BAZ2B: variants seen among roughly 807,000 people sequenced by gnomAD.
The protein encoded by BAZ2B is bromodomain adjacent to zinc finger domain protein 2B.
A neutral mutation model predicts 246.0 loss-of-function variants in BAZ2B; 91 were observed. The observed-to-expected ratio is 0.37, with a 90% CI of 0.31 to 0.44. The LOEUF is 0.44. BAZ2B is among the 20% of genes least tolerant of loss of function. The probability of loss-of-function intolerance (pLI) is 1.00; values close to 1 mark genes in which losing one functional copy is unlikely to be tolerated. For synonymous variants in BAZ2B, 855 were observed against 860.0 expected, an observed-to-expected ratio of 0.99 and a Z score of 0.10; for missense variants, 2,332 against 2,533.7, an observed-to-expected ratio of 0.92 and a Z score of 1.71.
chr2:159,686,056 G>C, the BAZ2B span, among the ~76,000 whole-genome samples: 13 of 152,302 alleles, frequency 8.5e-5, no homozygotes, highest in South Asian at 2.3e-3. Flanking sequence ...AAGGCCAGGA[G>C]TTCAAGACCA....
the BAZ2B span, among the ~76,000 whole-genome samples, chr2:159,690,719 G>A: frequency 6.6e-6 from 1 of 152,042 alleles, no homozygotes; most frequent in Non-Finnish European, 1.5e-5. Flanking sequence ...CTGGTGTAGT[G>A]CAAAAGATGA....
chr2:159,513,922 C>G (rs1341716081), intron 2 of BAZ2B, among the ~76,000 whole-genome samples: 1 of 152,128 alleles, frequency 6.6e-6, no homozygotes. Flanking sequence ...TCTCCATACC[C>G]GTACTCACAA....
chr2:159,601,894 A>T (rs1230142330), intron 1 of BAZ2B, among the ~76,000 whole-genome samples: 1 of 152,242 alleles, frequency 6.6e-6, no homozygotes, highest in Non-Finnish European at 1.5e-5. Flanking sequence ...TAGTCAGCTT[A>T]ATTTCATTCT....
intron 2 of BAZ2B, among the ~76,000 whole-genome samples, chr2:159,498,235 G>A (rs369539091): frequency 3.3e-5 from 5 of 151,976 alleles, no homozygotes; most frequent in African/African-American, 9.7e-5. Context: ...ATACAAAGAA[G>A]AAAATATTTT....
In BAZ2B at chr2:159,386,406, C is replaced by A. The variant is rs199640978; in HGVS notation, c.3418G>T (p.Val1140Leu). ...CATACAGCAGCTGAGAGGAGCCTCACAAGCAAGTCTTGTACTTCACCCATG... is the reference window on the plus strand; with the variant it reads ...CATACAGCAGCTGAGAGGAGCCTCAAAAGCAAGTCTTGTACTTCACCCATG... Reference protein sequence around the residue: ...DSMGEVQDLLVRLLSAAVCDP... With the variant: ...DSMGEVQDLLLRLLSAAVCDP... The change falls in exon 22 of 37, where the codon GTG (valine) becomes TTG (leucine). Residue 1140 changes from valine to leucine, a missense_variant. By Grantham distance (32) the Val-to-Leu change is conservative (BLOSUM62 1). Transcript: ENST00000392783. 9.2e-5 allele frequency: 148 copies of A among 1,613,394 alleles called. No individual in the cohort carries two copies. In the African/African-American group the frequency reaches 1.7e-3, roughly 18 times the overall value.
At chr2:159,508,451 A>G (rs1346159581) in intron 2 of BAZ2B, among the ~76,000 whole-genome samples, 1 of 152,202 alleles carries the variant, frequency 6.6e-6, no homozygotes, top group African/African-American at 2.4e-5. Context: ...TCTATAGATT[A>G]TTGAAATTTT....
intron 27 of BAZ2B, among the ~76,000 whole-genome samples, chr2:159,360,323 G>A (rs2059546275): frequency 6.6e-6 from 1 of 152,080 alleles, no homozygotes; most frequent in African/African-American, 2.4e-5. Flanking sequence ...GACAAACAGA[G>A]AGCCAAATCA....
the BAZ2B span, among the ~76,000 whole-genome samples, chr2:159,706,096 CACAA>C: frequency 6.6e-6 from 1 of 151,708 alleles, no homozygotes; most frequent in African/African-American, 2.4e-5. Context: ...CACACACACA[CACAA>C]ACACACACAC....
At chr2:159,438,207 G>A (rs1288232512) in intron 8 of BAZ2B, 96 bp downstream of exon 8, 1 of 1,122,712 alleles carries the variant, frequency 8.9e-7, no homozygotes, top group Non-Finnish European at 1.3e-6. Flanking sequence ...TAAAAATGAA[G>A]GTAGAATTTA....
chr2:159,701,059 A>C, the BAZ2B span, among the ~76,000 whole-genome samples: 49 of 152,236 alleles, frequency 3.2e-4, no homozygotes, highest in Non-Finnish European at 6.3e-4. Flanking sequence ...AAAGAAAAAT[A>C]TTACAAAACT....
intron 1 of BAZ2B, among the ~76,000 whole-genome samples, chr2:159,588,214 C>CAAAAAAAAAA (rs556237766): frequency 9.2e-6 from 1 of 109,230 alleles, no homozygotes; most frequent in Non-Finnish European, 1.9e-5. Context: ...GACCCTGCAT[C>CAAAAAAAAAA]AAAAAAAAAA....
At chr2:159,436,294 C>T (rs760303046) in intron 8 of BAZ2B, among the ~76,000 whole-genome samples, 1 of 152,118 alleles carries the variant, frequency 6.6e-6, no homozygotes, top group Non-Finnish European at 1.5e-5. Context: ...CATATATTGA[C>T]ACCAATAAGT....
intron 2 of BAZ2B, among the ~76,000 whole-genome samples, chr2:159,480,709 G>GTA (rs905853009): frequency 6.6e-6 from 1 of 152,078 alleles, no homozygotes; most frequent in Non-Finnish European, 1.5e-5. Flanking sequence ...AGAGCTAGTA[G>GTA]TATAGGCTGG....
chr2:159,449,402 A>G (rs1322382244), intron 4 of BAZ2B, among the ~76,000 whole-genome samples: 2 of 151,276 alleles, frequency 1.3e-5, no homozygotes, highest in African/African-American at 4.9e-5. Flanking sequence ...ACATTAGAGG[A>G]AAAAAACCCA....
At chr2:159,645,165 G>A in the BAZ2B span, among the ~76,000 whole-genome samples, 1 of 152,096 alleles carries the variant, frequency 6.6e-6, no homozygotes, top group Non-Finnish European at 1.5e-5. Flanking sequence ...TCAGCTACTC[G>A]GGAGGCTGAG....
At chr2:159,466,836 C>T (rs933130316) in intron 3 of BAZ2B, among the ~76,000 whole-genome samples, 2 of 152,054 alleles carry the variant, frequency 1.3e-5, no homozygotes, top group Non-Finnish European at 2.9e-5. Context: ...TTCTTCTCTG[C>T]AGGTCCTCAA....
At chr2:159,686,389 C>A in the BAZ2B span, among the ~76,000 whole-genome samples, 1 of 152,184 alleles carries the variant, frequency 6.6e-6, no homozygotes, top group South Asian at 2.1e-4. Context: ...TTTGCCTCTG[C>A]GGTATTATTT....
intron 2 of BAZ2B, among the ~76,000 whole-genome samples, chr2:159,510,175 CT>C (rs1459709743): frequency 2.0e-5 from 3 of 151,710 alleles, no homozygotes; most frequent in Non-Finnish European, 4.4e-5. Flanking sequence ...GAAGTTACTG[CT>C]TTTTTTTATT....
chr2:159,485,929 C>CAT (rs1283622869), intron 2 of BAZ2B, among the ~76,000 whole-genome samples: 2 of 151,992 alleles, frequency 1.3e-5, no homozygotes, highest in Non-Finnish European at 2.9e-5. Flanking sequence ...AGGGTAAAAG[C>CAT]AGTGGTTTTC....
Sources: gnomAD v4.1 joint callset for allele counts (sites outside exome capture counted in the v4.1 genomes callset) on GRCh38, gnomAD v4.1.1 for gene constraint, MANE v1.5 for transcripts, NCBI Gene and HGNC (gene_info 2026-07-23, HGNC 2026-07-21) for gene names.